Variants in IPO11 observed in about 807,000 individuals in gnomAD.
IPO11 encodes the protein importin-11.
In IPO11, 66 loss-of-function variants were observed where a neutral mutation model predicts 143.2. The ratio of observed to expected loss-of-function variants is 0.46; its 90% CI spans 0.38 to 0.57. The LOEUF is 0.57. Ranked by LOEUF, IPO11 falls within the 20% of genes least tolerant of loss-of-function variation. The pLI is 0.00. For missense variants in IPO11, 1,026 were observed against 1,141.0 expected (o/e 0.90, Z 1.45); for synonymous variants, 385 against 377.8 (o/e 1.02, Z -0.22).
At chr5:62,581,505 A>G (rs1744564989) in intron 27 of IPO11, 1 of 477,090 alleles carries the variant, frequency 2.1e-6, no homozygotes, top group Non-Finnish European at 3.7e-6. Context: ...GTATTAAGTA[A>G]TAATAGCTAA....
chr5:62,577,997 T>A (rs1345947877), intron 27 of IPO11, among the ~76,000 whole-genome samples: 1 of 152,130 alleles, frequency 6.6e-6, no homozygotes, highest in Non-Finnish European at 1.5e-5. Flanking sequence ...TTATATCCGA[T>A]TCTTTAAATT....
intron 5 of IPO11, among the ~76,000 whole-genome samples, chr5:62,458,781 TGG>T (rs1242422813): frequency 6.6e-6 from 1 of 152,176 alleles, no homozygotes; most frequent in African/African-American, 2.4e-5. Flanking sequence ...GTGACAGACT[TGG>T]TTCAAAAGAA....
intron 24 of IPO11, among the ~76,000 whole-genome samples, chr5:62,544,667 G>C (rs1019305791): frequency 6.6e-6 from 1 of 152,162 alleles, no homozygotes; most frequent in Non-Finnish European, 1.5e-5. Context: ...AATTGTCCCT[G>C]TTTGCAGATG....
chr5:62,520,183 T>C (rs1264664680), intron 20 of IPO11, among the ~76,000 whole-genome samples: 1 of 152,234 alleles, frequency 6.6e-6, no homozygotes, highest in Non-Finnish European at 1.5e-5. Context: ...TTCGCAGTAG[T>C]ACCTAGATTA....
At chr5:62,528,791 G>A (rs1742449823) in intron 21 of IPO11, among the ~76,000 whole-genome samples, 1 of 152,092 alleles carries the variant, frequency 6.6e-6, no homozygotes, top group African/African-American at 2.4e-5. Flanking sequence ...GTGAGAGAAG[G>A]TATAAAGTAG....
At chr5:62,486,724 T>G (rs922048331) in intron 12 of IPO11, among the ~76,000 whole-genome samples, 1 of 152,170 alleles carries the variant, frequency 6.6e-6, no homozygotes, top group African/African-American at 2.4e-5. Context: ...TTTAAAAAAT[T>G]TCATTCCTTT....
intron 5 of IPO11, among the ~76,000 whole-genome samples, chr5:62,456,351 TATA>T (rs1337288625): frequency 6.6e-6 from 1 of 152,110 alleles, no homozygotes; most frequent in East Asian, 1.9e-4. Flanking sequence ...TAAACCTAAA[TATA>T]ATAAAATGGA....
intron 10 of IPO11, chr5:62,483,506 A>G (rs890512923): frequency 1.2e-5 from 5 of 422,010 alleles, no homozygotes; most frequent in Non-Finnish European, 2.1e-5. Context: ...TTTGTAGCAC[A>G]AATTGGTTGA....
chr5:62,464,983 T>G (rs1045665597), intron 5 of IPO11, among the ~76,000 whole-genome samples: 3 of 152,226 alleles, frequency 2.0e-5, no homozygotes, highest in Non-Finnish European at 4.4e-5. Context: ...TTTTTTGGTC[T>G]TATTTGAAAT....
intron 1 of IPO11, chr5:62,419,145 T>C (rs1743406032): frequency 1.9e-6 from 3 of 1,545,006 alleles, no homozygotes; most frequent in Non-Finnish European, 2.6e-6. Flanking sequence ...TTTGTGTGTT[T>C]AAACATGTCT....
chr5:62,477,915 A>C (rs1168503207), intron 9 of IPO11, among the ~76,000 whole-genome samples: 1 of 152,212 alleles, frequency 6.6e-6, no homozygotes, highest in Non-Finnish European at 1.5e-5. Flanking sequence ...AGACTTTATT[A>C]AAGCTTTTTA....
Position 62,489,340 on chromosome 5 carries a change from A to G in IPO11, c.1348A>G (p.Lys450Glu). Reference protein sequence around the residue: ...NVEDMNALLIKDAVYNAVGLA... With the variant: ...NVEDMNALLIEDAVYNAVGLA... ...GGAAGATATGAATGCACTGTTAATC[A>G]AAGATGCTGGTATGTTAAACTTAAG... Residue 450 changes from lysine to glutamate, a missense_variant, in exon 14 of 30, where the codon AAA becomes GAA. Around this residue, in one of 5 missense-constraint regions of IPO11, gnomAD observed 237 missense variants for 288.0 expected, o/e 0.82. Transcript: ENST00000325324. The G allele has an allele frequency of 6.4e-7, 1 of 1,563,014 alleles. No individual in the cohort carries two copies. The highest frequency in any genetic ancestry group is 8.7e-7 in the Non-Finnish European group (1 of 1,149,256).
intron 5 of IPO11, among the ~76,000 whole-genome samples, chr5:62,453,039 T>A (rs766620172): frequency 6.6e-6 from 1 of 150,886 alleles, no homozygotes; most frequent in Non-Finnish European, 1.5e-5. Flanking sequence ...TAATTTTAAG[T>A]CTTATTATAC....
rs1178126346 is a variant in IPO11, at chr5:62,601,680, T to C, written c.2679-84T>C. On this transcript the variant is annotated intron_variant, in intron 28 of 29. Coordinates refer to ENST00000325324, the MANE Select transcript of IPO11 (RefSeq NM_016338.5). ...AAAACTAAGAACATAGAATTATTCA[T>C]GTTCTTAGTGATTTTAAGGACTTAT... 3 of 581,582 alleles carry C rather than the reference T, an allele frequency of 5.2e-6. No individual in the cohort carries two copies. In the African/African-American group the frequency reaches 5.8e-5, roughly 11 times the overall value. 36.0% of individuals were successfully genotyped at this position (581,582 alleles called of 1,614,324 possible).
chr5:62,500,631 G>T (rs1179319367), intron 16 of IPO11, among the ~76,000 whole-genome samples: 1 of 152,048 alleles, frequency 6.6e-6, no homozygotes, highest in East Asian at 1.9e-4. Context: ...CCAATTACCT[G>T]GGATTACAAG....
At chr5:62,537,655 GT>G (rs555609294) in intron 24 of IPO11, among the ~76,000 whole-genome samples, 1 of 152,060 alleles carries the variant, frequency 6.6e-6, no homozygotes, top group South Asian at 2.1e-4. Flanking sequence ...CTTTCATTTT[GT>G]TAGTCTGCTG....
intron 24 of IPO11, among the ~76,000 whole-genome samples, chr5:62,537,734 C>G (rs1742784009): frequency 6.6e-6 from 1 of 152,010 alleles, no homozygotes; most frequent in African/African-American, 2.4e-5. Flanking sequence ...ATTAGAATAC[C>G]ACGTTTGTTG....
intron 28 of IPO11, among the ~76,000 whole-genome samples, chr5:62,592,359 T>C (rs940106157): frequency 3.3e-5 from 5 of 152,196 alleles, no homozygotes; most frequent in Non-Finnish European, 7.3e-5. Flanking sequence ...GAATCATATT[T>C]TGTTGAAAAA....
At chr5:62,536,852 G>A in intron 23 of IPO11, 71 bp downstream of exon 23, 5 of 1,333,566 alleles carry the variant, frequency 3.7e-6, no homozygotes, top group East Asian at 3.0e-5. Context: ...GAAATCAGGG[G>A]GTACGTTTTC....
Sources: gnomAD v4.1 joint callset for allele counts (sites outside exome capture counted in the v4.1 genomes callset) on GRCh38, gnomAD v4.1.1 for gene constraint, gnomAD v4.1.1 regional missense constraint, MANE v1.5 for transcripts, NCBI Gene and HGNC (gene_info 2026-07-23, HGNC 2026-07-21) for gene names.